BSN: variants seen among roughly 807,000 people sequenced by gnomAD.
BSN encodes bassoon presynaptic cytomatrix protein, also known as protein bassoon.
BSN carries 57 observed loss-of-function variants against 264.8 expected under a neutral mutation model. The ratio of observed to expected loss-of-function variants is 0.22; its 90% CI spans 0.17 to 0.27. BSN has a LOEUF of 0.27. Among genes scored for constraint, BSN ranks in the 10% least tolerant of loss-of-function variants. The pLI is 1.00. For synonymous variants in BSN, 2,059 were observed against 2,137.3 expected (o/e 0.96, Z 1.01); for missense variants, 4,615 against 5,232.5 (o/e 0.88, Z 3.64).
intron 1 of BSN, among the ~76,000 whole-genome samples, chr3:49,604,468 A>C (rs927400787): frequency 6.6e-6 from 1 of 152,080 alleles, no homozygotes; most frequent in Non-Finnish European, 1.5e-5. Flanking sequence ...ATTCTACAGT[A>C]TTTGTCCTTT....
At chr3:49,605,292 T>A (rs2052104027) in intron 1 of BSN, among the ~76,000 whole-genome samples, 1 of 101,430 alleles carries the variant, frequency 9.9e-6, no homozygotes, top group African/African-American at 4.2e-5. Context: ...TACATATATA[T>A]TTTATATATT....
chr3:49,672,946 AT>A (rs1232412601), downstream of BSN, among the ~76,000 whole-genome samples: 1 of 148,520 alleles, frequency 6.7e-6, no homozygotes, highest in Non-Finnish European at 1.5e-5. Flanking sequence ...TGCCCAGCTA[AT>A]TTTTTGTATT....
intron 1 of BSN, among the ~76,000 whole-genome samples, chr3:49,583,654 A>G (rs1406324256): frequency 1.3e-5 from 2 of 152,168 alleles, no homozygotes; most frequent in African/African-American, 2.4e-5. Flanking sequence ...TTCAATGGTT[A>G]GTAGGATTCA....
chr3:49,610,127 G>T (rs2052193607), intron 1 of BSN, among the ~76,000 whole-genome samples: 1 of 152,130 alleles, frequency 6.6e-6, no homozygotes, highest in South Asian at 2.1e-4. Context: ...CTGAGACTCT[G>T]CCAGTCCACA....
chr3:49,580,798 TATC>T (rs2051890405), intron 1 of BSN, among the ~76,000 whole-genome samples: 1 of 152,094 alleles, frequency 6.6e-6, no homozygotes, highest in Non-Finnish European at 1.5e-5. Flanking sequence ...AAAATATAAA[TATC>T]ATAAATTTGC....
In BSN at chr3:49,555,534, G is replaced by A. The variant is rs116128222; in HGVS notation, c.224+708G>A. Among the ~76,000 whole-genome samples, 1,062 of 152,280 alleles carry A rather than the reference G, an allele frequency of 7.0e-3. 8 individuals carry two copies. The highest frequency in any genetic ancestry group is 0.024 in the African/African-American group (1,013 of 41,554). Reference sequence around the variant, plus strand: ...ACCTTATGATTTAGATCAAACCAGTGGAAAAGCTGAAACCCACACAGAATG... The same window carrying A: ...ACCTTATGATTTAGATCAAACCAGTAGAAAAGCTGAAACCCACACAGAATG... On this transcript the variant is annotated intron_variant, in intron 1 of 11. Transcript: ENST00000296452.
In BSN at chr3:49,658,183, G is replaced by A. The variant is rs200873893; in HGVS notation, c.8627G>A (p.Gly2876Glu). 9 of 1,569,868 alleles carry A rather than the reference G, an allele frequency of 5.7e-6. No individual in the cohort carries two copies. Among genetic ancestry groups the A allele is most frequent in the Admixed American group, 1.8e-5 (1 of 56,284 alleles). ...ERFSLYQHQGGLGSQVSALPP... is the reference protein window; with the variant it reads ...ERFSLYQHQGELGSQVSALPP... ...TTCTCCCTCTACCAGCACCAGGGGG[G>A]ACTGGGTAGCCAGGTATGGGAACAG... Residue 2876 changes from glycine to glutamate, a missense_variant, in exon 5 of 12, where the codon GGA (glycine) becomes GAA (glutamate). Coordinates refer to ENST00000296452, the MANE Select transcript of BSN (RefSeq NM_003458.4).
chr3:49,657,103 C>G lies in BSN; in HGVS notation c.7547C>G (p.Pro2516Arg). ...THAAFIAMAG[P>R]EGLGQPREPV... ...GCAGCCTTCATTGCCATGGCAGGGCCTGAAGGACTTGGGCAGCCTCGTGAG... is the reference window on the plus strand; with the variant it reads ...GCAGCCTTCATTGCCATGGCAGGGCGTGAAGGACTTGGGCAGCCTCGTGAG... Residue 2516 changes from proline (P) to arginine (R), a missense_variant, in exon 5 of 12, where the codon CCT becomes CGT. Pro to Arg is a moderately radical substitution (Grantham distance 103). Coordinates refer to ENST00000296452, the MANE Select transcript of BSN (RefSeq NM_003458.4). 1 of 1,611,262 alleles carries G rather than the reference C, an allele frequency of 6.2e-7. No homozygotes were observed. Among genetic ancestry groups the G allele is most frequent in the Admixed American group, 1.7e-5 (1 of 59,982 alleles).
chr3:49,656,055 T>G lies in BSN; in HGVS notation c.6499T>G (p.Tyr2167Asp), dbSNP rs373565772. 1 of 1,607,326 alleles carries G rather than the reference T, an allele frequency of 6.2e-7. No individual in the cohort carries two copies. Among genetic ancestry groups the G allele is most frequent in the African/African-American group, 1.3e-5 (1 of 74,856 alleles). Residue 2167 changes from tyrosine (Y) to aspartate (D), a missense_variant, in exon 5 of 12, where the codon TAT becomes GAT. Coordinates refer to ENST00000296452, the MANE Select transcript of BSN (RefSeq NM_003458.4). ...CCCAAGTCCTGGGAACTTGGCCCAG[T>G]ATGGGCCTGCAGCAGGCCAAGGAAC... ...GHPSPGNLAQYGPAAGQGTAV... is the reference protein window; with the variant it reads ...GHPSPGNLAQDGPAAGQGTAV...
At chr3:49,664,967 G>C in intron 10 of BSN, 114 bp downstream of exon 10, 3 of 783,954 alleles carry the variant, frequency 3.8e-6, no homozygotes, top group South Asian at 1.5e-5. Flanking sequence ...GTCTTCGGCT[G>C]GTTCAGTACC....
chr3:49,658,199 A>G lies in BSN; in HGVS notation c.8640+3A>G. 1 of 1,552,702 alleles carries G rather than the reference A, an allele frequency of 6.4e-7. No individual in the cohort carries two copies. Among genetic ancestry groups the G allele is most frequent in the Non-Finnish European group, 8.7e-7 (1 of 1,145,862 alleles). ...ACCAGGGGGGACTGGGTAGCCAGGT[A>G]TGGGAACAGGGGCTGTTCCAGGGTG... On this transcript the variant is annotated splice_donor_region_variant and intron_variant, in intron 5 of 11. Transcript: ENST00000296452.
intron 1 of BSN, among the ~76,000 whole-genome samples, chr3:49,615,414 C>T (rs2052252405): frequency 6.6e-6 from 1 of 152,170 alleles, no homozygotes; most frequent in East Asian, 1.9e-4. Context: ...GGACCTAGCT[C>T]TCTGGGTTAC....
chr3:49,620,198 G>A (rs543510569), intron 1 of BSN, among the ~76,000 whole-genome samples: 59 of 152,146 alleles, frequency 3.9e-4, no homozygotes, highest in African/African-American at 5.3e-4. Flanking sequence ...AATCCGAGGC[G>A]GGCGGATCAC....
intron 1 of BSN, among the ~76,000 whole-genome samples, chr3:49,560,858 G>C (rs1159139765): frequency 1.3e-5 from 2 of 152,096 alleles, no homozygotes; most frequent in African/African-American, 4.8e-5. Context: ...GCTTCTAGTG[G>C]GGGTCTGTTG....
chr3:49,652,673 C>T lies in BSN; in HGVS notation c.3117C>T (p.Asp1039=), dbSNP rs1401813917. The T allele has an allele frequency of 1.3e-6, 2 of 1,598,226 alleles. No individual in the cohort carries two copies. Among genetic ancestry groups the T allele is most frequent in the East Asian group, 2.2e-5 (1 of 44,750 alleles). The change falls in exon 5 of 12, where the codon GAC becomes GAT. Residue 1039 remains aspartate (D), a synonymous_variant. Coordinates refer to ENST00000296452, the MANE Select transcript of BSN (RefSeq NM_003458.4). ...SHGPLLPTIE[D]SSEEEELREE... The stretch of plus-strand genomic sequence containing the variant: ...GGCCCCTGCTACCCACCATCGAGGA[C>T]TCCTCAGAGGAGGAGGAGCTGCGGG...
rs1197808483 is a variant in BSN, at chr3:49,669,090, C to G, written c.*1605C>G. 6.6e-6 allele frequency: 1 copy of G among 152,354 alleles called. No individual in the cohort carries two copies. The highest frequency in any genetic ancestry group is 1.5e-5 in the Non-Finnish European group (1 of 68,010). The allele number at this position is 152,354 out of a possible 1,614,324, so 9.4% of individuals were successfully genotyped here. A position where few individuals can be genotyped will look rare whatever the true frequency, so the allele number is the denominator to read the frequency against. On this transcript the variant is annotated 3_prime_UTR_variant, in exon 12 of 12. Transcript: ENST00000296452. ...CGCCTGTCCTGCAGTGGAGCATGCA[C>G]AGCTCGCAGCCTCTTTGCACGATTT...
intron 3 of BSN, among the ~76,000 whole-genome samples, chr3:49,644,287 T>C (rs2052489624): frequency 6.6e-6 from 1 of 152,002 alleles, no homozygotes; most frequent in African/African-American, 2.4e-5. Context: ...GTGTGCGGAG[T>C]GCAAACCACC....
Position 49,652,647 on chromosome 3 carries a change from G to C in BSN, c.3091G>C (p.Gly1031Arg), listed in dbSNP as rs1253969227. The change falls in exon 5 of 12, where the codon GGG (glycine) becomes CGG (arginine). Residue 1031 changes from glycine (G) to arginine (R), a missense_variant. This residue lies in a region of BSN where 1,197 missense variants were observed against 1,348.0 expected (regional missense o/e 0.89). Transcript: ENST00000296452. ...GCGCAAGGCCCGGCACCGCTCCCACGGGCCCCTGCTACCCACCATCGAGGA... is the reference window on the plus strand; with the variant it reads ...GCGCAAGGCCCGGCACCGCTCCCACCGGCCCCTGCTACCCACCATCGAGGA... ...QQRKARHRSH[G>R]PLLPTIEDSS... The C allele has an allele frequency of 6.2e-7, 1 of 1,608,044 alleles. No individual in the cohort carries two copies. The highest frequency in any genetic ancestry group is 1.7e-5 in the Admixed American group (1 of 59,276).
In BSN at chr3:49,572,403, C is replaced by T. The variant is rs566680405; in HGVS notation, c.224+17577C>T. On this transcript the variant is annotated intron_variant, in intron 1 of 11. Transcript: ENST00000296452. Reference sequence around the variant, plus strand: ...ACATTTAGGGGAAAATATCACAATCCAACTTGGACAGCCTCAGGTCGAAAG... The same window carrying T: ...ACATTTAGGGGAAAATATCACAATCTAACTTGGACAGCCTCAGGTCGAAAG... 2.0e-5 allele frequency among the ~76,000 whole-genome samples: 3 copies of T among 152,188 alleles called. No individual in the cohort carries two copies. The South Asian group carries it at 6.2e-4, about 32-fold the overall frequency.
Sources: gnomAD v4.1 joint callset for allele counts (sites outside exome capture counted in the v4.1 genomes callset) on GRCh38, gnomAD v4.1.1 for gene constraint, gnomAD v4.1.1 regional missense constraint, MANE v1.5 for transcripts, NCBI Gene and HGNC (gene_info 2026-07-23, HGNC 2026-07-21) for gene names.